Variants in NCOA6 observed in about 807,000 individuals in gnomAD.
NCOA6 encodes NRC RAP250.
Under a neutral mutation model 171.4 loss-of-function variants are expected in NCOA6, and 49 were observed. The ratio of observed to expected loss-of-function variants is 0.29; its 90% CI spans 0.23 to 0.36. NCOA6 has a LOEUF of 0.36. Among genes scored for constraint, NCOA6 ranks in the 10% least tolerant of loss-of-function variants. NCOA6 has a pLI of 1.00. For synonymous variants in NCOA6, 910 were observed against 927.5 expected, an observed-to-expected ratio of 0.98 and a Z score of 0.34; for missense variants, 2,248 against 2,554.5, an observed-to-expected ratio of 0.88 and a Z score of 2.59.
intron 5 of NCOA6, among the ~76,000 whole-genome samples, chr20:34,767,758 G>GA (rs750779790): frequency 3.7e-4 from 56 of 152,276 alleles, no homozygotes; most frequent in Admixed American, 4.6e-4. Context: ...TCCTGAAGCT[G>GA]AAAAAATTGG....
At chr20:34,733,801 G>A (rs948062256) in intron 12 of NCOA6, among the ~76,000 whole-genome samples, 6 of 122,226 alleles carry the variant, frequency 4.9e-5, no homozygotes, top group African/African-American at 1.3e-4. Context: ...TCAGTGAACC[G>A]AGATCATGCC....
chr20:34,751,758 C>T (rs918320266), intron 8 of NCOA6, among the ~76,000 whole-genome samples: 11 of 152,150 alleles, frequency 7.2e-5, no homozygotes, highest in African/African-American at 9.7e-5. Flanking sequence ...AGTTGCTACC[C>T]GCCTTGCTGT....
intron 4 of NCOA6, among the ~76,000 whole-genome samples, chr20:34,769,363 T>C (rs1430102770): frequency 1.3e-5 from 2 of 150,472 alleles, no homozygotes. Flanking sequence ...CGGCTACGTA[T>C]AGGATTTTTT....
intron 13 of NCOA6, among the ~76,000 whole-genome samples, chr20:34,730,253 ATTT>A (rs1256381872): frequency 2.0e-5 from 3 of 150,864 alleles, no homozygotes; most frequent in African/African-American, 7.3e-5. Flanking sequence ...TTAATTTTTT[ATTT>A]TTTATTTTTT....
Position 34,743,061 on chromosome 20 carries a change from G to C in NCOA6, c.3195C>G (p.Ser1065=). ...CACTCTGTTGCATGGGCATTCTCTG[G>C]GAGTCGGGGTTCAGGGGGCCCCTTG... ...HPPRGPLNPD[S]QRMPMQQSGS... The change falls in exon 11 of 15, where the codon TCC becomes TCG. Residue 1065 remains serine, a synonymous_variant. Coordinates refer to ENST00000359003, the MANE Select transcript of NCOA6 (RefSeq NM_014071.5). 6.2e-7 allele frequency: 1 copy of C among 1,613,810 alleles called. No homozygotes were observed. The highest frequency in any genetic ancestry group is 1.1e-5 in the South Asian group (1 of 91,044).
chr20:34,731,060 C>T (rs1990554681), intron 13 of NCOA6, among the ~76,000 whole-genome samples: 1 of 151,714 alleles, frequency 6.6e-6, no homozygotes, highest in African/African-American at 2.4e-5. Flanking sequence ...CACTCTGTCG[C>T]CCAGGCTGGG....
intron 13 of NCOA6, among the ~76,000 whole-genome samples, chr20:34,729,095 C>G (rs533915017): frequency 5.3e-5 from 8 of 152,262 alleles, no homozygotes; most frequent in African/African-American, 1.9e-4. Context: ...GGATTACAGG[C>G]ATGCGCCACC....
intron 1 of NCOA6, among the ~76,000 whole-genome samples, chr20:34,824,116 C>T (rs2079085656): frequency 6.6e-6 from 1 of 152,208 alleles, no homozygotes; most frequent in African/African-American, 2.4e-5. Flanking sequence ...CTTTGTATTG[C>T]CACACTCATT....
chr20:34,760,859 T>C (rs2076794900), intron 5 of NCOA6, among the ~76,000 whole-genome samples: 1 of 152,218 alleles, frequency 6.6e-6, no homozygotes, highest in Non-Finnish European at 1.5e-5. Context: ...ATTCTTTACA[T>C]TGTTTGTGCC....
At position 34,742,939 on chromosome 20, in the gene NCOA6, C is replaced by G; in HGVS notation, c.3317G>C (p.Gly1106Ala). The G allele has an allele frequency of 6.2e-7, 1 of 1,614,126 alleles. No individual in the cohort carries two copies. The highest frequency in any genetic ancestry group is 8.5e-7 in the Non-Finnish European group (1 of 1,180,002). The change falls in exon 11 of 15, where the codon GGA (glycine) becomes GCA (alanine). Residue 1106 changes from glycine to alanine, a missense_variant. Gly to Ala is a moderately conservative substitution (Grantham distance 60, BLOSUM62 0). Around this residue, in one of 7 missense-constraint regions of NCOA6, gnomAD observed 352 missense variants for 419.1 expected, o/e 0.84. Transcript: ENST00000359003. The stretch of plus-strand genomic sequence containing the variant: ...ATAGACCATTTTCCTTGAATTGCTT[C>G]CCAAGGGAGTATTCACAGGCATTGG... ...RMPMPVNTPL[G>A]SNSRKMVYQE... is the part of the protein sequence containing the mutation.
chr20:34,822,514 C>A (rs2079037532), intron 1 of NCOA6, among the ~76,000 whole-genome samples: 1 of 152,198 alleles, frequency 6.6e-6, no homozygotes, highest in South Asian at 2.1e-4. Context: ...TTTGAGCAGA[C>A]ACACCCATCT....
Position 34,754,745 on chromosome 20 carries a change from G to A in NCOA6, c.1652C>T (p.Ala551Val), listed in dbSNP as rs553545276. Residue 551 changes from alanine (A) to valine (V), a missense_variant, in exon 8 of 15, where the codon GCA becomes GTA. Ala to Val is a moderately conservative substitution (Grantham distance 64, BLOSUM62 0). Transcript: ENST00000359003. The stretch of plus-strand genomic sequence containing the variant: ...ACCTGCATGCTGGACATTTTGATTT[G>A]CTTGCAGCTGAGGGGCTCCTGAATT... ...PGNSGAPQLQANQNVQHAGGQ... is the reference protein window; with the variant it reads ...PGNSGAPQLQVNQNVQHAGGQ... 1.2e-6 allele frequency: 2 copies of A among 1,614,152 alleles called. No homozygotes were observed. Among genetic ancestry groups the A allele is most frequent in the East Asian group, 4.5e-5 (2 of 44,880 alleles).
chr20:34,762,436 T>C (rs976997549), intron 5 of NCOA6, among the ~76,000 whole-genome samples: 1 of 152,168 alleles, frequency 6.6e-6, no homozygotes, highest in South Asian at 2.1e-4. Context: ...TTTACTAGTA[T>C]ATTTTGATTT....
At chr20:34,809,251 T>C (rs2078571397) in intron 1 of NCOA6, among the ~76,000 whole-genome samples, 1 of 152,256 alleles carries the variant, frequency 6.6e-6, no homozygotes, top group African/African-American at 2.4e-5. Flanking sequence ...AATGCTTTTT[T>C]ATTAAGCAGA....
Position 34,758,820 on chromosome 20 carries a change from G to A in NCOA6, c.628C>T (p.Pro210Ser), listed in dbSNP as rs199832028. ...NPELQPRTPR[P>S]ASQSDAMDPL... ...AAGTCATTACCTGACTGAGAAGCAG[G>A]GCGAGGAGTCCTGGGCTGCAGCTCT... The change falls in exon 6 of 15, where the codon CCT becomes TCT. Residue 210 changes from proline (P) to serine (S), a missense_variant. Physicochemically the swap from Pro to Ser is moderately conservative, Grantham distance 74. This residue lies in a region of NCOA6 where 987 missense variants were observed against 1,104.7 expected (regional missense o/e 0.89). Transcript: ENST00000359003. 10 of 1,612,826 alleles carry A rather than the reference G, an allele frequency of 6.2e-6. No homozygotes were observed. The highest frequency in any genetic ancestry group is 8.5e-6 in the Non-Finnish European group (10 of 1,179,670).
At chr20:34,792,378 T>C in intron 2 of NCOA6, 72 bp downstream of exon 2, 1 of 387,434 alleles carries the variant, frequency 2.6e-6, no homozygotes, top group Non-Finnish European at 4.5e-6. Flanking sequence ...AGAGAGACAG[T>C]ATCAGAAAAA....
At chr20:34,786,258 A>G (rs1486831177) in intron 2 of NCOA6, among the ~76,000 whole-genome samples, 2 of 152,148 alleles carry the variant, frequency 1.3e-5, no homozygotes, top group Non-Finnish European at 1.5e-5. Flanking sequence ...CTAGCGATCT[A>G]TTATAGCTAG....
chr20:34,772,880 T>C (rs1212241904), intron 4 of NCOA6, among the ~76,000 whole-genome samples: 1 of 152,216 alleles, frequency 6.6e-6, no homozygotes, highest in Non-Finnish European at 1.5e-5. Context: ...ATAATTATAA[T>C]TCTATTTCTA....
intron 4 of NCOA6, among the ~76,000 whole-genome samples, chr20:34,770,086 C>G (rs972722829): frequency 1.3e-5 from 2 of 151,386 alleles, no homozygotes; most frequent in Middle Eastern, 3.2e-3. Context: ...TGTCGCCAGG[C>G]TGAAGCGCAG....
Sources: allele counts gnomAD v4.1 joint callset (sites outside exome capture counted in the v4.1 genomes callset), GRCh38; gene constraint gnomAD v4.1.1; regional missense constraint gnomAD v4.1.1; transcripts MANE v1.5; gene names NCBI Gene and HGNC (gene_info 2026-07-23, HGNC 2026-07-21).